Variants in SCRT2 observed in about 807,000 individuals in gnomAD.
SCRT2 encodes scratch family transcriptional repressor 2.
In SCRT2, 2 loss-of-function variants were observed where a neutral mutation model predicts 3.7. The ratio of observed to expected loss-of-function variants is 0.54; its 90% CI spans 0.22 to 1.70. The LOEUF is 1.70. Among genes scored for constraint, SCRT2 ranks in the 40% most tolerant of loss-of-function variants. The pLI is 0.19. For synonymous variants in SCRT2, 256 were observed against 220.6 expected (o/e 1.16, Z -1.42); for missense variants, 456 against 468.5 (o/e 0.97, Z 0.25).
Position 663,687 on chromosome 20 carries a change from G to C in SCRT2, c.908C>G (p.Ala303Gly), listed in dbSNP as rs1984039366. Reference sequence around the variant, plus strand: ...GCGGAAGGCTCAGCTGGCCGGGCCGGCGGGGGTCGGCGGGGGTGGCTCGGC... The same window carrying C: ...GCGGAAGGCTCAGCTGGCCGGGCCGCCGGGGGTCGGCGGGGGTGGCTCGGC... The part of the protein sequence containing the change: ...KAAEPPPPTP[A>G]GPAS The change falls in exon 2 of 2, where the codon GCC becomes GGC. Residue 303 changes from alanine (A) to glycine (G), a missense_variant. Ala to Gly is a moderately conservative substitution (Grantham distance 60, BLOSUM62 0). Coordinates refer to ENST00000246104, the MANE Select transcript of SCRT2 (RefSeq NM_033129.4). The surrounding 1 kb of genome is among the most constrained non-coding windows in gnomAD (Gnocchi z 6.9). 1.8e-5 allele frequency: 27 copies of C among 1,502,374 alleles called. No individual in the cohort carries two copies. Among genetic ancestry groups the C allele is most frequent in the Non-Finnish European group, 2.2e-5 (25 of 1,127,030 alleles). The allele number at this position is 1,502,374 out of a possible 1,614,324, so 93.1% of individuals were successfully genotyped here. A position where few individuals can be genotyped will look rare whatever the true frequency, so the allele number is the denominator to read the frequency against.
intron 1 of SCRT2, among the ~76,000 whole-genome samples, chr20:670,646 C>G (rs2122353917): frequency 6.6e-6 from 1 of 152,278 alleles, no homozygotes; most frequent in South Asian, 2.1e-4. Context: ...TCCCCTGCCC[C>G]CCGCTGCCCT....
At position 675,359 on chromosome 20, in the gene SCRT2, T is replaced by C. The variant is rs1352550516; in HGVS notation, c.133+110A>G. On this transcript the variant is annotated intron_variant, in intron 1 of 1. Transcript: ENST00000246104. The surrounding 1 kb of genome is among the most constrained non-coding windows in gnomAD (Gnocchi z 6.9). Reference sequence around the variant, plus strand: ...GGAGCCCACGGCCAGAGAGATCTCCTCCCGGGGGTTTCCTGTCGCACGCGC... The same window carrying C: ...GGAGCCCACGGCCAGAGAGATCTCCCCCCGGGGGTTTCCTGTCGCACGCGC... 3 of 950,976 alleles carry C rather than the reference T, an allele frequency of 3.2e-6. No individual in the cohort carries two copies. In the Admixed American group the frequency reaches 1.3e-4, roughly 41 times the overall value. The allele number at this position is 950,976 out of a possible 1,614,324, so 58.9% of individuals were successfully genotyped here. A position where few individuals can be genotyped will look rare whatever the true frequency, so the allele number is the denominator to read the frequency against.
chr20:664,409 C>T lies in SCRT2; in HGVS notation c.186G>A (p.Pro62=), dbSNP rs1412389957. 5.1e-6 allele frequency: 7 copies of T among 1,372,186 alleles called. No homozygotes were observed. The highest frequency in any genetic ancestry group is 6.7e-6 in the Non-Finnish European group (7 of 1,051,574). The allele number at this position is 1,372,186 out of a possible 1,614,324, so 85.0% of individuals were successfully genotyped here. ...GCTCGGCCGGGGCCAGCTCCAGGCC[C>T]GGCTTCTGGTCCGCATCGTAGCTGC... The part of the protein sequence containing the change: ...PPSSYDADQK[P]GLELAPAEPA... Residue 62 remains proline, a synonymous_variant, in exon 2 of 2, where the codon CCG becomes CCA. Coordinates refer to ENST00000246104, the MANE Select transcript of SCRT2 (RefSeq NM_033129.4). This position sits in a 1 kb window ranked among gnomAD's most constrained non-coding sequence, Gnocchi z 7.9.
chr20:674,688 AGTGTGTGT>A (rs759385819), intron 1 of SCRT2, among the ~76,000 whole-genome samples: 160 of 129,438 alleles, frequency 1.2e-3, no homozygotes, highest in Middle Eastern at 0.012. Context: ...GAAGAGATGG[AGTGTGTGT>A]GTGTGTGTGT....
rs1241118889 is a variant in SCRT2 at position 664,488 on chromosome 20, G to A, written c.134-27C>T. On this transcript the variant is annotated intron_variant, in intron 1 of 1. Transcript: ENST00000246104. This position sits in a 1 kb window ranked among gnomAD's most constrained non-coding sequence, Gnocchi z 7.9. ...TGGAGGGGGCGAGAAGTGGAGGGGC[G>A]GTGAGAGGAGGCGCCGAAGAGGGTT... 3.3e-6 allele frequency: 4 copies of A among 1,221,172 alleles called. No homozygotes were observed. The highest frequency in any genetic ancestry group is 1.0e-6 in the Non-Finnish European group (1 of 973,358). 75.6% of individuals were successfully genotyped at this position (1,221,172 alleles called of 1,614,324 possible). A position where few individuals can be genotyped will look rare whatever the true frequency, so the allele number is the denominator to read the frequency against.
At position 663,457 on chromosome 20, in the gene SCRT2, T is replaced by G; in HGVS notation, c.*214A>C. ...AGGTCCGAGGGATGGCCGGAAAGGA[T>G]GAAGTGGGTCGGGGGACGCTGGGGA... On this transcript the variant is annotated 3_prime_UTR_variant, in exon 2 of 2. Coordinates refer to ENST00000246104, the MANE Select transcript of SCRT2 (RefSeq NM_033129.4). This position sits in a 1 kb window ranked among gnomAD's most constrained non-coding sequence, Gnocchi z 6.9. 2.5e-6 allele frequency: 1 copy of G among 407,438 alleles called. No individual in the cohort carries two copies. Among genetic ancestry groups the G allele is most frequent in the Non-Finnish European group, 4.1e-6 (1 of 242,140 alleles). 25.2% of individuals were successfully genotyped at this position (407,438 alleles called of 1,614,324 possible).
chr20:663,564 A>C lies in SCRT2; in HGVS notation c.*107T>G. 1 of 1,086,742 alleles carries C rather than the reference A, an allele frequency of 9.2e-7. No homozygotes were observed. The highest frequency in any genetic ancestry group is 1.2e-6 in the Non-Finnish European group (1 of 842,534). The allele number at this position is 1,086,742 out of a possible 1,614,324, so 67.3% of individuals were successfully genotyped here. On this transcript the variant is annotated 3_prime_UTR_variant, in exon 2 of 2. Coordinates refer to ENST00000246104, the MANE Select transcript of SCRT2 (RefSeq NM_033129.4). The surrounding 1 kb of genome is among the most constrained non-coding windows in gnomAD (Gnocchi z 6.9). ...GGCCGGGGGTCCCCACGAGAGGGTC[A>C]TGGGCAGGGAAACGCAGCCGGGGCT...
Position 663,690 on chromosome 20 carries a change from G to T in SCRT2, c.905C>A (p.Pro302His), listed in dbSNP as rs765468891. Reference protein sequence around the residue: ...AKAAEPPPPTPAGPAS With the variant: ...AKAAEPPPPTHAGPAS The stretch of plus-strand genomic sequence containing the variant: ...GAAGGCTCAGCTGGCCGGGCCGGCG[G>T]GGGTCGGCGGGGGTGGCTCGGCCGC... Residue 302 changes from proline (P) to histidine (H), a missense_variant, in exon 2 of 2, where the codon CCC becomes CAC. By Grantham distance (77) the Pro-to-His change is moderately conservative. Transcript: ENST00000246104. The surrounding 1 kb of genome is among the most constrained non-coding windows in gnomAD (Gnocchi z 6.9). The T allele has an allele frequency of 1.4e-5, 21 of 1,506,418 alleles. No homozygotes were observed. Among genetic ancestry groups the T allele is most frequent in the Admixed American group, 2.0e-5 (1 of 49,336 alleles). The allele number at this position is 1,506,418 out of a possible 1,614,324, so 93.3% of individuals were successfully genotyped here. A position where few individuals can be genotyped will look rare whatever the true frequency, so the allele number is the denominator to read the frequency against.
At position 675,154 on chromosome 20, in the gene SCRT2, G is replaced by A. The variant is rs928327529; in HGVS notation, c.133+315C>T. On this transcript the variant is annotated intron_variant, in intron 1 of 1. Coordinates refer to ENST00000246104, the MANE Select transcript of SCRT2 (RefSeq NM_033129.4). This position sits in a 1 kb window ranked among gnomAD's most constrained non-coding sequence, Gnocchi z 6.9. ...GCCTTGTGCCTCAGTGCCCAGCGCT[G>A]GCCTTTCACGAGCAGCCCCGTCTGT... is the stretch of plus-strand genomic sequence containing the variant. Among the ~76,000 whole-genome samples the A allele has an allele frequency of 3.7e-4, 57 of 152,134 alleles. No homozygotes were observed. Among genetic ancestry groups the A allele is most frequent in the African/African-American group, 1.4e-3 (56 of 41,432 alleles).
Position 675,601 on chromosome 20 carries a change from TGGCGCGGCC to T in SCRT2, c.-9_-1del, listed in dbSNP as rs764622500. On this transcript the variant is annotated 5_prime_UTR_variant, in exon 1 of 2. Transcript: ENST00000246104. The surrounding 1 kb of genome is among the most constrained non-coding windows in gnomAD (Gnocchi z 6.9). ...TTCTTTACCAGGAAGGAGCGCGGCA[TGGCGCGGCC>T]GGCGCGGGGCTCGGTGCGGGGAGGC... The T allele has an allele frequency of 2.0e-5, 26 of 1,299,832 alleles. No individual in the cohort carries two copies. In the African/African-American group the frequency reaches 2.6e-4, roughly 13 times the overall value. The allele number at this position is 1,299,832 out of a possible 1,614,324, so 80.5% of individuals were successfully genotyped here.
At chr20:670,758 A>G (rs762785399) in intron 1 of SCRT2, among the ~76,000 whole-genome samples, 3 of 152,148 alleles carry the variant, frequency 2.0e-5, no homozygotes, top group Non-Finnish European at 4.4e-5. Flanking sequence ...TCCTTCAGCA[A>G]TCAAAGACTG....
In SCRT2 at chr20:665,099, G is replaced by T. The variant is rs567957940; in HGVS notation, c.134-638C>A. Among the ~76,000 whole-genome samples, 29 of 152,336 alleles carry T rather than the reference G, an allele frequency of 1.9e-4. No homozygotes were observed. The highest frequency in any genetic ancestry group is 6.7e-4 in the African/African-American group (28 of 41,576). ...CAGACCCAAGGAAGTCGGCACTATT[G>T]TAATCCCCATTTGATGTGTAAGGAA... On this transcript the variant is annotated intron_variant, in intron 1 of 1. Transcript: ENST00000246104. This position sits in a 1 kb window ranked among gnomAD's most constrained non-coding sequence, Gnocchi z 5.0.
In SCRT2 at chr20:663,821, G is replaced by A. The variant is rs1984048309; in HGVS notation, c.774C>T (p.His258=). 2 of 1,597,768 alleles carry A rather than the reference G, an allele frequency of 1.3e-6. No individual in the cohort carries two copies. Among genetic ancestry groups the A allele is most frequent in the South Asian group, 2.2e-5 (2 of 89,054 alleles). ...GCTTGAAGGCCGAGTGCGTCTGCAT[G>A]TGCGCGCGCAGGTTGGAGCGGTCGG... The part of the protein sequence containing the change: ...AFADRSNLRA[H]MQTHSAFKHY... The change falls in exon 2 of 2, where the codon CAC becomes CAT. Residue 258 remains histidine, a synonymous_variant. Coordinates refer to ENST00000246104, the MANE Select transcript of SCRT2 (RefSeq NM_033129.4). The surrounding 1 kb of genome is among the most constrained non-coding windows in gnomAD (Gnocchi z 6.9).
intron 1 of SCRT2, among the ~76,000 whole-genome samples, chr20:671,800 T>TTGGA (rs1365980050): frequency 6.6e-6 from 1 of 151,864 alleles, no homozygotes; most frequent in Non-Finnish European, 1.5e-5. Flanking sequence ...TCTGCCTGGG[T>TTGGA]TGGATGCACT....
chr20:670,308 C>A (rs1013213047), intron 1 of SCRT2, among the ~76,000 whole-genome samples: 7 of 152,188 alleles, frequency 4.6e-5, no homozygotes, highest in African/African-American at 1.7e-4. Context: ...CCACCTCTTC[C>A]CCCGGCCTCC....
In SCRT2 at chr20:665,201, GA is replaced by G. The variant is rs1357182153; in HGVS notation, c.134-741del. On this transcript the variant is annotated intron_variant, in intron 1 of 1. Transcript: ENST00000246104. This position sits in a 1 kb window ranked among gnomAD's most constrained non-coding sequence, Gnocchi z 5.0. The stretch of plus-strand genomic sequence containing the variant: ...TATAATTATGCTTTTTACTTGCTTG[GA>G]GATAGTTTCCTCCCCCACCACACTG... 2.0e-5 allele frequency among the ~76,000 whole-genome samples: 3 copies of G among 152,186 alleles called. No homozygotes were observed. The highest frequency in any genetic ancestry group is 7.2e-5 in the African/African-American group (3 of 41,440).
chr20:664,087 G>A lies in SCRT2; in HGVS notation c.508C>T (p.Leu170=). ...CGKTYATSSN[L]SRHKQTHRSL... is the part of the protein sequence containing the mutation. ...CGGTGCGTCTGCTTGTGGCGGCTCA[G>A]GTTCGACGACGTGGCGTAGGTCTTG... Residue 170 remains leucine, a synonymous_variant, in exon 2 of 2, where the codon CTG becomes TTG. Coordinates refer to ENST00000246104, the MANE Select transcript of SCRT2 (RefSeq NM_033129.4). This position sits in a 1 kb window ranked among gnomAD's most constrained non-coding sequence, Gnocchi z 7.9. 1 of 1,609,800 alleles carries A rather than the reference G, an allele frequency of 6.2e-7. No homozygotes were observed.
At position 663,878 on chromosome 20, in the gene SCRT2, C is replaced by T. The variant is rs1184638415; in HGVS notation, c.717G>A (p.Pro239=). ...CCTTGCCGCAGTGCGCGCAGCCGAA[C>T]GGCTTTTCGCCGGTGTGCGAGCGCA... ...GHMRSHTGEK[P]FGCAHCGKAF... Residue 239 remains proline (P), a synonymous_variant, in exon 2 of 2, where the codon CCG becomes CCA. Transcript: ENST00000246104. The surrounding 1 kb of genome is among the most constrained non-coding windows in gnomAD (Gnocchi z 6.9). The T allele has an allele frequency of 6.2e-7, 1 of 1,601,462 alleles. No homozygotes were observed. Among genetic ancestry groups the T allele is most frequent in the Non-Finnish European group, 8.5e-7 (1 of 1,176,360 alleles).
At chr20:671,144 C>G (rs932492700) in intron 1 of SCRT2, among the ~76,000 whole-genome samples, 3 of 152,210 alleles carry the variant, frequency 2.0e-5, no homozygotes, top group African/African-American at 7.2e-5. Flanking sequence ...CTGGACCCAG[C>G]ACTTTGCCCT....
Sources: gnomAD v4.1 joint callset for allele counts (sites outside exome capture counted in the v4.1 genomes callset) on GRCh38, gnomAD v4.1.1 for gene constraint, Gnocchi (gnomAD v3.1) non-coding constraint, MANE v1.5 for transcripts, NCBI Gene and HGNC (gene_info 2026-07-23, HGNC 2026-07-21) for gene names.